CASTOR2: variants seen among roughly 807,000 people sequenced by gnomAD.
CASTOR2 encodes the protein cytosolic arginine sensor for mTORC1 subunit 2, also known as GATS protein like 2.
CASTOR2 carries 8 observed loss-of-function variants against 31.2 expected under a neutral mutation model. The ratio of observed to expected loss-of-function variants is 0.26; its 90% CI spans 0.15 to 0.46. The LOEUF is 0.46. Among genes scored for constraint, CASTOR2 ranks in the 20% least tolerant of loss-of-function variants. CASTOR2 has a pLI of 0.99. For missense variants in CASTOR2, 216 were observed against 382.1 expected (o/e 0.57, Z 3.62); for synonymous variants, 162 against 158.7 (o/e 1.02, Z -0.16).
chr7:74,998,124 C>T (rs1408624490), intron 1 of CASTOR2, among the ~76,000 whole-genome samples: 8 of 152,138 alleles, frequency 5.3e-5, no homozygotes, highest in Non-Finnish European at 8.8e-5. Flanking sequence ...AGTTCAGCCC[C>T]GGCTCGGCAG....
Position 75,024,933 on chromosome 7 carries a change from C to G in CASTOR2, c.*234C>G. Reference sequence around the variant, plus strand: ...CGACCCTCCAGAGAACGACCTTTCTCTTCCCTACCTCCCCCACCCCGGAAA... The same window carrying G: ...CGACCCTCCAGAGAACGACCTTTCTGTTCCCTACCTCCCCCACCCCGGAAA... On this transcript the variant is annotated 3_prime_UTR_variant, in exon 9 of 9. Coordinates refer to ENST00000616305, the MANE Select transcript of CASTOR2 (RefSeq NM_001145064.3). The G allele has an allele frequency of 2.1e-6, 2 of 952,744 alleles. No homozygotes were observed. The highest frequency in any genetic ancestry group is 3.1e-6 in the Non-Finnish European group (2 of 641,204). 59.0% of individuals were successfully genotyped at this position (952,744 alleles called of 1,614,324 possible). A position where few individuals can be genotyped will look rare whatever the true frequency, so the allele number is the denominator to read the frequency against.
rs1805172907 is a variant in CASTOR2, at chr7:75,027,612, G to A, written c.*2913G>A. The A allele has an allele frequency of 5.0e-6, 1 of 200,346 alleles. No homozygotes were observed. The highest frequency in any genetic ancestry group is 1.0e-5 in the Non-Finnish European group (1 of 97,272). 12.4% of individuals were successfully genotyped at this position (200,346 alleles called of 1,614,324 possible). On this transcript the variant is annotated 3_prime_UTR_variant, in exon 9 of 9. Coordinates refer to ENST00000616305, the MANE Select transcript of CASTOR2 (RefSeq NM_001145064.3). ...TCGTGTCATGGAGAAAAGCATGTGT[G>A]TCGGGGCGCGCTGGGGCCAGGGTAT...
chr7:75,007,764 A>G lies in CASTOR2; in HGVS notation c.114-230A>G, dbSNP rs1172673160. 5.3e-4 allele frequency: 335 copies of G among 636,608 alleles called. 4 individuals are homozygous for G. The East Asian group carries it at 9.4e-3, about 18-fold the overall frequency. 39.4% of individuals were successfully genotyped at this position (636,608 alleles called of 1,614,324 possible). On this transcript the variant is annotated intron_variant, in intron 1 of 8. Coordinates refer to ENST00000616305, the MANE Select transcript of CASTOR2 (RefSeq NM_001145064.3). The stretch of plus-strand genomic sequence containing the variant: ...GGGCTGACTGGCTCCGAGGTCCCCA[A>G]AGATTGCGGGGGTATAGTGGGGACA...
At chr7:74,975,902 C>T (rs1554435665) in intron 1 of CASTOR2, among the ~76,000 whole-genome samples, 1 of 145,534 alleles carries the variant, frequency 6.9e-6, no homozygotes, top group Non-Finnish European at 1.5e-5. Context: ...CTGAAGACAC[C>T]CAAGCAGCCC....
chr7:74,972,006 A>G (rs1218461235), intron 1 of CASTOR2, among the ~76,000 whole-genome samples: 1 of 150,760 alleles, frequency 6.6e-6, no homozygotes, highest in Admixed American at 6.6e-5. Context: ...TATTTTGGAG[A>G]CAAGCTCTGT....
intron 1 of CASTOR2, among the ~76,000 whole-genome samples, chr7:74,996,829 A>G (rs1483781366): frequency 3.5e-5 from 5 of 141,314 alleles, no homozygotes; most frequent in Admixed American, 2.4e-4. Flanking sequence ...CCCAGGTTCA[A>G]GCAATTCTTC....
In CASTOR2 at chr7:75,024,593, G is replaced by A. The variant is rs1040384120; in HGVS notation, c.925-41G>A. 9 of 1,551,034 alleles carry A rather than the reference G, an allele frequency of 5.8e-6. No homozygotes were observed. The East Asian group carries it at 2.2e-4, about 38-fold the overall frequency. ...GGCCGGGGTGGGGAAGCAGGTTCCT[G>A]GGCTCACGGGCAGGCATCTGCCTCC... On this transcript the variant is annotated intron_variant, in intron 8 of 8. Transcript: ENST00000616305.
chr7:75,009,093 A>G (rs113950496), intron 2 of CASTOR2, among the ~76,000 whole-genome samples: 19,421 of 151,580 alleles, frequency 0.13, 1,371 homozygotes, highest in South Asian at 0.15. Flanking sequence ...AGTAGCTGGG[A>G]TTACAGGTGC....
At chr7:74,995,526 G>A (rs1420117758) in intron 1 of CASTOR2, among the ~76,000 whole-genome samples, 104 of 23,966 alleles carry the variant, frequency 4.3e-3, no homozygotes, top group Non-Finnish European at 7.0e-3. Context: ...AAAAAAAAAA[G>A]GCCGGGTGCG....
chr7:75,014,419 CAAAAAAA>C (rs1193842037), intron 2 of CASTOR2, among the ~76,000 whole-genome samples: 2 of 57,560 alleles, frequency 3.5e-5, no homozygotes, highest in Non-Finnish European at 7.4e-5. Context: ...ACTAAAAATA[CAAAAAAA>C]AAAAAAAAAA....
At chr7:74,973,452 T>TAGCTTTAGTCTTTAGTCTAAA (rs1803730051) in intron 1 of CASTOR2, among the ~76,000 whole-genome samples, 4 of 104,544 alleles carry the variant, frequency 3.8e-5, no homozygotes, top group Non-Finnish European at 7.7e-5. Flanking sequence ...GCGATTCTCC[T>TAGCTTTAGTCTTTAGTCTAAA]GCTTTAGTCT....
chr7:75,009,884 A>ATT (rs1186959059), intron 2 of CASTOR2, among the ~76,000 whole-genome samples: 15 of 128,658 alleles, frequency 1.2e-4, no homozygotes, highest in East Asian at 4.4e-4. Flanking sequence ...CAGGCACTTA[A>ATT]TTTTTTTTTT....
chr7:74,986,874 C>T (rs1287516561), intron 1 of CASTOR2, among the ~76,000 whole-genome samples: 1 of 151,488 alleles, frequency 6.6e-6, no homozygotes, highest in Non-Finnish European at 1.5e-5. Context: ...AGTAAGACCC[C>T]CATCTTGATA....
At chr7:74,990,747 C>T (rs1301286770) in intron 1 of CASTOR2, among the ~76,000 whole-genome samples, 9 of 151,960 alleles carry the variant, frequency 5.9e-5, no homozygotes, top group Admixed American at 1.3e-4. Context: ...CCCAGCTACT[C>T]GGGAGGCTGA....
At chr7:74,996,984 C>T (rs1389793429) in intron 1 of CASTOR2, among the ~76,000 whole-genome samples, 1 of 151,690 alleles carries the variant, frequency 6.6e-6, no homozygotes, top group South Asian at 2.1e-4. Flanking sequence ...AACCACCCCC[C>T]TCGGCCTCCC....
At chr7:74,997,706 C>T (rs1297781689) in intron 1 of CASTOR2, among the ~76,000 whole-genome samples, 1 of 151,852 alleles carries the variant, frequency 6.6e-6, no homozygotes, top group Non-Finnish European at 1.5e-5. Flanking sequence ...GGATTACAGG[C>T]ATGAACCACT....
intron 1 of CASTOR2, among the ~76,000 whole-genome samples, chr7:74,985,585 CAAAAAAAAA>C (rs782053038): frequency 1.5e-5 from 1 of 67,548 alleles, no homozygotes; most frequent in Non-Finnish European, 2.5e-5. Context: ...CAGCCTGGCT[CAAAAAAAAA>C]AAAAAAAAAA....
intron 2 of CASTOR2, among the ~76,000 whole-genome samples, chr7:75,012,150 G>A (rs1392425376): frequency 2.1e-4 from 32 of 152,132 alleles, no homozygotes; most frequent in African/African-American, 7.7e-4. Flanking sequence ...TGAGAAGATG[G>A]TATACCACCA....
At chr7:75,003,223 G>C (rs1804535803) in intron 1 of CASTOR2, among the ~76,000 whole-genome samples, 2 of 152,200 alleles carry the variant, frequency 1.3e-5, no homozygotes, top group African/African-American at 2.4e-5. Flanking sequence ...AAGGCAGAAG[G>C]ATCACTTGAG....
Sources: allele counts gnomAD v4.1 joint callset (sites outside exome capture counted in the v4.1 genomes callset), GRCh38; gene constraint gnomAD v4.1.1; transcripts MANE v1.5; gene names NCBI Gene and HGNC (gene_info 2026-07-23, HGNC 2026-07-21).